The following CAMTA1 variants were observed in gnomAD, a reference collection of about 807,000 sequenced individuals.
CAMTA1 encodes the protein calmodulin binding transcription activator 1, also known as calmodulin-binding transcription activator 1.
In CAMTA1, 27 loss-of-function variants were observed where a neutral mutation model predicts 170.9. The ratio of observed to expected loss-of-function variants is 0.16; its 90% CI spans 0.12 to 0.22. The LOEUF (loss-of-function observed/expected upper bound fraction) is 0.22. CAMTA1 is among the 10% of genes least tolerant of loss of function. The pLI is 1.00. For missense variants in CAMTA1, 1,619 were observed against 2,217.2 expected, an observed-to-expected ratio of 0.73 and a Z score of 5.42; for synonymous variants, 833 against 891.5, an observed-to-expected ratio of 0.93 and a Z score of 1.17.
Position 6,965,489 on chromosome 1 carries a change from C to T in CAMTA1, c.235-125815C>T, listed in dbSNP as rs910865205. 3.3e-5 allele frequency among the ~76,000 whole-genome samples: 5 copies of T among 151,970 alleles called. No individual in the cohort carries two copies. Among genetic ancestry groups the T allele is most frequent in the African/African-American group, 1.2e-4 (5 of 41,358 alleles). ...GGGAAGGTAAATGTGGTTTATTAGC[C>T]CCCCTGGCTCAGAGGGGGCTGGGCA... On this transcript the variant is annotated intron_variant, in intron 3 of 22. Coordinates refer to ENST00000303635, the MANE Select transcript of CAMTA1 (RefSeq NM_015215.4). The surrounding 1 kb of genome is among the most constrained non-coding windows in gnomAD (Gnocchi z 4.1).
chr1:7,253,606 A>G (rs541490054), intron 5 of CAMTA1, among the ~76,000 whole-genome samples: 1 of 152,294 alleles, frequency 6.6e-6, no homozygotes, highest in South Asian at 2.1e-4. Flanking sequence ...GAATCCTCAT[A>G]AACACATCCA....
rs70987363 is a variant in CAMTA1, at chr1:7,680,872, A to AGCAGCAGCAGCAGCAGCAGCAGCTGCT, written c.2914+3150_2914+3151insAGCAGCAGCAGCTGCTGCAGCAGCAGC. 1.8e-4 allele frequency among the ~76,000 whole-genome samples: 26 copies of AGCAGCAGCAGCAGCAGCAGCAGCTGCT among 146,346 alleles called. 1 individual carries two copies. Among genetic ancestry groups the AGCAGCAGCAGCAGCAGCAGCAGCTGCT allele is most frequent in the Non-Finnish European group, 2.4e-4 (16 of 65,762 alleles). On this transcript the variant is annotated intron_variant, in intron 11 of 22. Coordinates refer to ENST00000303635, the MANE Select transcript of CAMTA1 (RefSeq NM_015215.4). This position sits in a 1 kb window ranked among gnomAD's most constrained non-coding sequence, Gnocchi z 4.4. ...CGCGCGCGCGCGCGCCAGCAGCAGC[A>AGCAGCAGCAGCAGCAGCAGCAGCTGCT]GCAGCAGCAGCTGCTGCGGCGAAGT...
At chr1:7,546,453 G>A (rs1361148771) in intron 6 of CAMTA1, among the ~76,000 whole-genome samples, 4 of 152,142 alleles carry the variant, frequency 2.6e-5, no homozygotes, top group East Asian at 1.9e-4. Flanking sequence ...GAATAGTGCT[G>A]CAATGAACAT....
intron 5 of CAMTA1, among the ~76,000 whole-genome samples, chr1:7,375,272 A>G (rs1385291875): frequency 1.3e-5 from 2 of 152,076 alleles, no homozygotes; most frequent in African/African-American, 4.8e-5. Context: ...CATTTTAGAG[A>G]GGACGCCAGT....
intron 5 of CAMTA1, among the ~76,000 whole-genome samples, chr1:7,348,879 C>T (rs34754584): frequency 0.021 from 3,124 of 152,306 alleles, 61 homozygotes; most frequent in Non-Finnish European, 0.031. Context: ...GATTTTCCAA[C>T]GACATCCCTC....
Position 7,434,806 on chromosome 1 carries a change from C to T in CAMTA1, c.439-33024C>T, listed in dbSNP as rs944634152. ...CTGTAATCTCAGCACTCTGGGAGAC[C>T]GAGGCAGGCTGATCGCTTAAGCTCA... On this transcript the variant is annotated intron_variant, in intron 5 of 22. Transcript: ENST00000303635. 6.0e-5 allele frequency among the ~76,000 whole-genome samples: 9 copies of T among 149,946 alleles called. No homozygotes were observed. The South Asian group carries it at 6.3e-4, about 11-fold the overall frequency.
At chr1:7,676,043 C>T (rs1035779884) in intron 10 of CAMTA1, among the ~76,000 whole-genome samples, 4 of 152,210 alleles carry the variant, frequency 2.6e-5, no homozygotes, top group Non-Finnish European at 5.9e-5. Context: ...CCAGAGAAGC[C>T]GTGAGTTCTC....
At position 7,249,052 on chromosome 1, in the gene CAMTA1, G is replaced by A. The variant is rs1010969682; in HGVS notation, c.303-439G>A. On this transcript the variant is annotated intron_variant, in intron 4 of 22. Coordinates refer to ENST00000303635, the MANE Select transcript of CAMTA1 (RefSeq NM_015215.4). This position sits in a 1 kb window ranked among gnomAD's most constrained non-coding sequence, Gnocchi z 4.4. Reference sequence around the variant, plus strand: ...CTTAACATAGTCATCTAGCGTCTGCGTTAAACTTATTTATTTCCTAATGCT... The same window carrying A: ...CTTAACATAGTCATCTAGCGTCTGCATTAAACTTATTTATTTCCTAATGCT... Among the ~76,000 whole-genome samples the A allele has an allele frequency of 2.6e-5, 4 of 152,194 alleles. No individual in the cohort carries two copies. The highest frequency in any genetic ancestry group is 7.2e-5 in the African/African-American group (3 of 41,444).
chr1:7,744,740 T>A (rs573824722), intron 16 of CAMTA1, 95 bp from the exon 17 acceptor site: 1 of 1,040,812 alleles, frequency 9.6e-7, no homozygotes, highest in Admixed American at 2.4e-5. Flanking sequence ...CCTGCCTGAT[T>A]ATTTTTTTCT....
At chr1:6,789,879 C>T (rs1477132143) in intron 1 of CAMTA1, among the ~76,000 whole-genome samples, 2 of 142,466 alleles carry the variant, frequency 1.4e-5, no homozygotes, top group Admixed American at 1.4e-4. Context: ...GGCACGATCT[C>T]GGTTCGTGCA....
intron 1 of CAMTA1, among the ~76,000 whole-genome samples, chr1:6,809,397 G>A (rs1035945878): frequency 6.6e-6 from 1 of 152,088 alleles, no homozygotes; most frequent in African/African-American, 2.4e-5. Context: ...TTGGAGATGT[G>A]GGTCAAAGAT....
chr1:7,668,427 A>C (rs1008793237), intron 9 of CAMTA1, among the ~76,000 whole-genome samples: 2 of 132,292 alleles, frequency 1.5e-5, no homozygotes, highest in African/African-American at 3.0e-5. Flanking sequence ...ACACACACAC[A>C]CACACCCACC....
At chr1:7,104,752 G>A (rs143286896) in intron 4 of CAMTA1, among the ~76,000 whole-genome samples, 1 of 152,202 alleles carries the variant, frequency 6.6e-6, no homozygotes, top group South Asian at 2.1e-4. Flanking sequence ...GGGACAAGGG[G>A]TCGTGCTGGC....
chr1:7,303,140 C>G (rs145686595), intron 5 of CAMTA1, among the ~76,000 whole-genome samples: 106 of 152,284 alleles, frequency 7.0e-4, no homozygotes, highest in African/African-American at 2.4e-3. Context: ...ACATTAAGCA[C>G]TCACTAAACA....
Position 6,804,807 on chromosome 1 carries a change from C to T in CAMTA1, c.46-15374C>T, listed in dbSNP as rs150353522. ...CTGGGCTCAAGTGATCCTTCTGCCT[C>T]GGACTCCCAAGTGCTGGGATTACAG... is the stretch of plus-strand genomic sequence containing the variant. On this transcript the variant is annotated intron_variant, in intron 1 of 22. Coordinates refer to ENST00000303635, the MANE Select transcript of CAMTA1 (RefSeq NM_015215.4). Among the ~76,000 whole-genome samples, 621 of 152,150 alleles carry T rather than the reference C, an allele frequency of 4.1e-3. 5 individuals carry two copies. Among genetic ancestry groups the T allele is most frequent in the African/African-American group, 0.014 (573 of 41,490 alleles).
chr1:6,834,886 G>A (rs1228260153), intron 3 of CAMTA1, among the ~76,000 whole-genome samples: 2 of 152,096 alleles, frequency 1.3e-5, no homozygotes, highest in East Asian at 3.9e-4. Context: ...CAGTCTTCCT[G>A]CCTCAGCCTC....
In CAMTA1 at chr1:7,663,666, G is replaced by A; in HGVS notation, c.1119G>A (p.Val373=). ...GGCTCAACAGCGACCCGGACATGGT[G>A]GACAGCCCGGTGGTCACAGGTGTGT... ...SSGLNSDPDM[V]DSPVVTGVSG... Residue 373 remains valine (V), a synonymous_variant, in exon 9 of 23, where the codon GTG becomes GTA. Transcript: ENST00000303635. 6.2e-7 allele frequency: 1 copy of A among 1,614,144 alleles called. No individual in the cohort carries two copies. The highest frequency in any genetic ancestry group is 1.1e-5 in the South Asian group (1 of 91,084).
chr1:7,031,725 T>C (rs1702831665), intron 3 of CAMTA1, among the ~76,000 whole-genome samples: 1 of 152,090 alleles, frequency 6.6e-6, no homozygotes, highest in South Asian at 2.1e-4. Context: ...TATTTTTTAG[T>C]AGAGACGGGG....
intron 3 of CAMTA1, among the ~76,000 whole-genome samples, chr1:7,033,932 G>C (rs944838603): frequency 2.0e-5 from 3 of 151,820 alleles, no homozygotes; most frequent in Non-Finnish European, 2.9e-5. Flanking sequence ...TCTGGAATGT[G>C]GTTACATTAT....
Sources: gnomAD v4.1 joint callset for allele counts (sites outside exome capture counted in the v4.1 genomes callset) on GRCh38, gnomAD v4.1.1 for gene constraint, Gnocchi (gnomAD v3.1) non-coding constraint, MANE v1.5 for transcripts, NCBI Gene and HGNC (gene_info 2026-07-23, HGNC 2026-07-21) for gene names.